The following DYNC2H1 variants were observed in gnomAD, a reference collection of about 807,000 sequenced individuals.
The protein encoded by DYNC2H1 is cytoplasmic dynein 2 heavy chain 1.
In DYNC2H1, 410 loss-of-function variants were observed where a neutral mutation model predicts 570.0. The ratio of observed to expected loss-of-function variants is 0.72; its 90% CI spans 0.66 to 0.78. The LOEUF (loss-of-function observed/expected upper bound fraction) is 0.78. Among genes scored for constraint, DYNC2H1 ranks in the 30% least tolerant of loss-of-function variants. The pLI, the probability that DYNC2H1 is intolerant of heterozygous loss-of-function variation, is 0.00. For synonymous variants in DYNC2H1, 1,688 were observed against 1,677.6 expected (o/e 1.01, Z -0.15); for missense variants, 4,865 against 5,046.4 (o/e 0.96, Z 1.09).
At chr11:103,182,840 T>C (rs1861906760) in intron 40 of DYNC2H1, among the ~76,000 whole-genome samples, 2 of 151,960 alleles carry the variant, frequency 1.3e-5, no homozygotes, top group East Asian at 1.9e-4. Flanking sequence ...GAACAAGATA[T>C]AGAGAAATGA....
At chr11:103,392,491 G>A (rs2251049) in intron 83 of DYNC2H1, among the ~76,000 whole-genome samples, 68,979 of 152,088 alleles carry the variant, frequency 0.45, 16,746 homozygotes, top group Non-Finnish European at 0.55. Context: ...CACTTGGTGC[G>A]CTGCACCCAC....
rs895433743 is a variant in DYNC2H1 at position 103,179,294 on chromosome 11, T to C, written c.6347+61T>C. The stretch of plus-strand genomic sequence containing the variant: ...ATATTCTTTTACTGTCCTGGTTTCA[T>C]ATTAAGTAAAATAAGTGTAGTGTGA... On this transcript the variant is annotated intron_variant, in intron 39 of 88. Coordinates refer to ENST00000375735, the MANE Select transcript of DYNC2H1 (RefSeq NM_001377.3). 19 of 1,497,696 alleles carry C rather than the reference T, an allele frequency of 1.3e-5. No homozygotes were observed. The Admixed American group carries it at 2.8e-4, about 22-fold the overall frequency. The allele number at this position is 1,497,696 out of a possible 1,614,324, so 92.8% of individuals were successfully genotyped here. A position where few individuals can be genotyped will look rare whatever the true frequency, so the allele number is the denominator to read the frequency against.
chr11:103,298,269 G>C (rs978882993), intron 75 of DYNC2H1, among the ~76,000 whole-genome samples: 1 of 152,026 alleles, frequency 6.6e-6, no homozygotes, highest in African/African-American at 2.4e-5. Context: ...TGCACTTGCT[G>C]TTCCTATTGC....
At chr11:103,139,656 A>AGGTGT (rs1268894335) in intron 17 of DYNC2H1, among the ~76,000 whole-genome samples, 2 of 151,898 alleles carry the variant, frequency 1.3e-5, no homozygotes, top group East Asian at 3.9e-4. Context: ...ATTTTGGAAT[A>AGGTGT]GGTGTGGTGT....
chr11:103,234,288 A>T, intron 61 of DYNC2H1, 128 bp downstream of exon 61: 1 of 1,106,278 alleles, frequency 9.0e-7, no homozygotes, highest in South Asian at 2.0e-5. Context: ...AATAATCTGG[A>T]TATAAATGGC....
At chr11:103,313,651 C>T (rs886925491) in intron 79 of DYNC2H1, among the ~76,000 whole-genome samples, 1 of 152,198 alleles carries the variant, frequency 6.6e-6, no homozygotes. Flanking sequence ...TGTTTTAACC[C>T]CCAAAAGCGT....
intron 83 of DYNC2H1, among the ~76,000 whole-genome samples, chr11:103,376,197 C>A (rs1466321815): frequency 6.6e-6 from 1 of 152,208 alleles, no homozygotes; most frequent in Non-Finnish European, 1.5e-5. Flanking sequence ...GAGGCCTCCC[C>A]AGCCAGGCAG....
At position 103,391,730 on chromosome 11, in the gene DYNC2H1, C is replaced by G. The variant is rs570272580; in HGVS notation, c.12157-7933C>G. Reference sequence around the variant, plus strand: ...TCCTTCTAACAGTAAAGACCCTCAGCTGCAGGTCTGTTAGAGTTTGCTGGA... The same window carrying G: ...TCCTTCTAACAGTAAAGACCCTCAGGTGCAGGTCTGTTAGAGTTTGCTGGA... On this transcript the variant is annotated intron_variant, in intron 83 of 88. Transcript: ENST00000375735. Among the ~76,000 whole-genome samples the G allele has an allele frequency of 1.1e-3, 167 of 152,352 alleles. 1 individual carries two copies. Among genetic ancestry groups the G allele is most frequent in the African/African-American group, 3.5e-3 (144 of 41,584 alleles).
intron 84 of DYNC2H1, among the ~76,000 whole-genome samples, chr11:103,429,268 A>G (rs1351802975): frequency 6.6e-6 from 1 of 152,116 alleles, no homozygotes; most frequent in Non-Finnish European, 1.5e-5. Context: ...CTCAAAAAAA[A>G]AACAAAAACA....
chr11:103,140,938 C>T (rs886970400), intron 17 of DYNC2H1, among the ~76,000 whole-genome samples: 7 of 152,106 alleles, frequency 4.6e-5, no homozygotes, highest in South Asian at 2.1e-4. Flanking sequence ...CTTCCCTTCT[C>T]GGTTCATTTC....
chr11:103,411,172 ATAAG>A (rs1356332355), intron 84 of DYNC2H1, among the ~76,000 whole-genome samples: 6 of 152,314 alleles, frequency 3.9e-5, no homozygotes, highest in African/African-American at 4.8e-5. Flanking sequence ...GAAAGAAGAA[ATAAG>A]TAAGTATAAA....
At chr11:103,286,776 T>A (rs746469550) in intron 74 of DYNC2H1, among the ~76,000 whole-genome samples, 4 of 152,182 alleles carry the variant, frequency 2.6e-5, no homozygotes, top group Non-Finnish European at 4.4e-5. Context: ...TGTTGAAACC[T>A]ACTGGCAGGT....
At chr11:103,340,615 G>A (rs1348793152) in intron 82 of DYNC2H1, among the ~76,000 whole-genome samples, 1 of 152,106 alleles carries the variant, frequency 6.6e-6, no homozygotes, top group Admixed American at 6.5e-5. Flanking sequence ...ACATTTTATG[G>A]TAAATATTGA....
chr11:103,170,798 C>A lies in DYNC2H1; in HGVS notation c.5152-88C>A, dbSNP rs1474224866. ...GAGGCATAGATGGGATAAATTATCACCTTATCAATAAGTAACATTAAATAT... is the reference window on the plus strand; with the variant it reads ...GAGGCATAGATGGGATAAATTATCAACTTATCAATAAGTAACATTAAATAT... On this transcript the variant is annotated intron_variant, in intron 33 of 88. Coordinates refer to ENST00000375735, the MANE Select transcript of DYNC2H1 (RefSeq NM_001377.3). This position sits in a 1 kb window ranked among gnomAD's most constrained non-coding sequence, Gnocchi z 4.8. 1.7e-6 allele frequency: 2 copies of A among 1,193,748 alleles called. No individual in the cohort carries two copies. The highest frequency in any genetic ancestry group is 3.4e-5 in the Admixed American group (1 of 29,818). The allele number at this position is 1,193,748 out of a possible 1,614,324, so 73.9% of individuals were successfully genotyped here.
chr11:103,312,254 C>T (rs1422047611), intron 79 of DYNC2H1, among the ~76,000 whole-genome samples: 1 of 151,884 alleles, frequency 6.6e-6, no homozygotes, highest in Non-Finnish European at 1.5e-5. Context: ...GTGGCGCATG[C>T]CTATAAGCCC....
chr11:103,478,334 T>C (rs1176555253), intron 88 of DYNC2H1, among the ~76,000 whole-genome samples: 1 of 152,202 alleles, frequency 6.6e-6, no homozygotes, highest in African/African-American at 2.4e-5. Flanking sequence ...TATAGATATA[T>C]TCCTGCTTGG....
At chr11:103,296,019 C>T (rs771478243) in intron 75 of DYNC2H1, among the ~76,000 whole-genome samples, 80 of 152,142 alleles carry the variant, frequency 5.3e-4, no homozygotes, top group Non-Finnish European at 9.4e-4. Flanking sequence ...AATGCAAAGT[C>T]ACACTCACTT....
At chr11:103,276,345 A>G (rs1865905480) in intron 70 of DYNC2H1, among the ~76,000 whole-genome samples, 1 of 152,124 alleles carries the variant, frequency 6.6e-6, no homozygotes, top group East Asian at 1.9e-4. Flanking sequence ...ATTGTGACTT[A>G]ATCTCATATT....
chr11:103,148,637 A>T lies in DYNC2H1; in HGVS notation c.2946+20A>T, dbSNP rs1271379672. ...CCAGAGGTGAGAATCACAAAGTAAA[A>T]TTATTATTATTACTTTTTACTGCAT... On this transcript the variant is annotated intron_variant, in intron 20 of 88. Coordinates refer to ENST00000375735, the MANE Select transcript of DYNC2H1 (RefSeq NM_001377.3). The T allele has an allele frequency of 6.5e-7, 1 of 1,541,554 alleles. No homozygotes were observed. The highest frequency in any genetic ancestry group is 1.2e-5 in the South Asian group (1 of 80,340).
Sources: allele counts gnomAD v4.1 joint callset (sites outside exome capture counted in the v4.1 genomes callset), GRCh38; gene constraint gnomAD v4.1.1; non-coding constraint Gnocchi (gnomAD v3.1); transcripts MANE v1.5; gene names NCBI Gene and HGNC (gene_info 2026-07-23, HGNC 2026-07-21).